COG5: variants seen among roughly 807,000 people sequenced by gnomAD.
COG5 encodes component of oligomeric golgi complex 5, also known as conserved oligomeric Golgi complex subunit 5.
COG5 carries 86 observed loss-of-function variants against 110.4 expected under a neutral mutation model. The observed-to-expected ratio is 0.78, with a 90% CI of 0.65 to 0.93. The LOEUF is 0.93. COG5 is among the 40% of genes least tolerant of loss of function. COG5 has a pLI of 0.00. For synonymous variants in COG5, 360 were observed against 334.6 expected, an observed-to-expected ratio of 1.08 and a Z score of -0.83; for missense variants, 1,077 against 987.0, an observed-to-expected ratio of 1.09 and a Z score of -1.22.
At chr7:107,293,957 A>G (rs567839945) in intron 12 of COG5, among the ~76,000 whole-genome samples, 2 of 152,156 alleles carry the variant, frequency 1.3e-5, no homozygotes, top group Admixed American at 6.5e-5. Context: ...CCATAATCCC[A>G]GCTGCTCGGG....
intron 6 of COG5, among the ~76,000 whole-genome samples, chr7:107,503,885 T>C (rs988046976): frequency 4.6e-5 from 7 of 152,202 alleles, no homozygotes; most frequent in African/African-American, 1.7e-4. Flanking sequence ...AGGAGTCTTC[T>C]GGAGCAGTCT....
In COG5 at chr7:107,236,582, T is replaced by A; in HGVS notation, c.1959A>T (p.Glu653Asp). 1 of 1,614,058 alleles carries A rather than the reference T, an allele frequency of 6.2e-7. No homozygotes were observed. Among genetic ancestry groups the A allele is most frequent in the Middle Eastern group, 1.6e-4 (1 of 6,062 alleles). The change falls in exon 18 of 22, where the codon GAA (glutamate) becomes GAT (aspartate). Residue 653 changes from glutamate (E) to aspartate (D), a missense_variant. Transcript: ENST00000297135. ...RVMSDYFKHF[E>D]CLDFVFDNTE... Reference sequence around the variant, plus strand: ...TGTTGTCAAAGACAAAATCCAAGCATTCAAAGTGTTTAAAATAGTCACTCA... The same window carrying A: ...TGTTGTCAAAGACAAAATCCAAGCAATCAAAGTGTTTAAAATAGTCACTCA...
At chr7:107,437,722 C>G (rs1794453720) in intron 6 of COG5, among the ~76,000 whole-genome samples, 1 of 152,088 alleles carries the variant, frequency 6.6e-6, no homozygotes, top group Non-Finnish European at 1.5e-5. Flanking sequence ...AAACCATAAT[C>G]AAATCAGACA....
At chr7:107,529,847 T>C (rs1385584286) in intron 5 of COG5, among the ~76,000 whole-genome samples, 10 of 152,188 alleles carry the variant, frequency 6.6e-5, no homozygotes, top group African/African-American at 2.4e-4. Flanking sequence ...GAGGCAAGAA[T>C]TGAGGTTGCT....
At chr7:107,553,525 A>G (rs1237270187) in intron 3 of COG5, among the ~76,000 whole-genome samples, 1 of 152,156 alleles carries the variant, frequency 6.6e-6, no homozygotes, top group African/African-American at 2.4e-5. Context: ...TTTGATCAAC[A>G]TCGAGAAAAA....
At chr7:107,526,516 T>C (rs552437699) in intron 6 of COG5, among the ~76,000 whole-genome samples, 2 of 152,332 alleles carry the variant, frequency 1.3e-5, no homozygotes, top group Non-Finnish European at 2.9e-5. Context: ...CTAGGCATAG[T>C]ATCAGCATGG....
chr7:107,461,103 T>C (rs900713202), intron 6 of COG5, among the ~76,000 whole-genome samples: 2 of 152,102 alleles, frequency 1.3e-5, no homozygotes, highest in Non-Finnish European at 2.9e-5. Flanking sequence ...GAGTCCAGCA[T>C]TGTCCTGATT....
intron 6 of COG5, among the ~76,000 whole-genome samples, chr7:107,458,225 C>A (rs1173626971): frequency 6.6e-6 from 1 of 152,216 alleles, no homozygotes; most frequent in African/African-American, 2.4e-5. Context: ...CCCTGCACTA[C>A]AAAAGCTGTC....
chr7:107,508,395 G>T (rs549033869), intron 6 of COG5, among the ~76,000 whole-genome samples: 2 of 152,360 alleles, frequency 1.3e-5, no homozygotes, highest in African/African-American at 4.8e-5. Context: ...CTCCAACTGG[G>T]TGGAGCCCAC....
At chr7:107,210,405 G>T in intron 21 of COG5, 121 bp downstream of exon 21, 1 of 1,484,386 alleles carries the variant, frequency 6.7e-7, no homozygotes. Context: ...GAGGTGGCCC[G>T]CCACTGGAAG....
chr7:107,474,715 A>G lies in COG5; in HGVS notation c.538+52522T>C. 2 of 1,611,526 alleles carry G rather than the reference A, an allele frequency of 1.2e-6. No homozygotes were observed. The highest frequency in any genetic ancestry group is 4.5e-5 in the East Asian group (2 of 44,784). On this transcript the variant is annotated intron_variant, in intron 6 of 21. Transcript: ENST00000297135. This position sits in a 1 kb window ranked among gnomAD's most constrained non-coding sequence, Gnocchi z 5.7. ...TTATCACCTGTTAGTACAGATCCCA[A>G]TATTCTTTTTCACTGTTGTAGTAAT...
chr7:107,406,665 CCATTCCTTTTTGA>C (rs1392656552), intron 7 of COG5, among the ~76,000 whole-genome samples: 5 of 152,024 alleles, frequency 3.3e-5, no homozygotes, highest in Non-Finnish European at 5.9e-5. Context: ...TTAAAAGTAA[CCATTCCTTTTTGA>C]CATGTTAAAT....
chr7:107,352,598 C>CAAATT (rs1243249122), intron 10 of COG5, among the ~76,000 whole-genome samples: 2 of 99,860 alleles, frequency 2.0e-5, no homozygotes, highest in Non-Finnish European at 4.7e-5. Context: ...ATAAGTTGAA[C>CAAATT]ATTTATCTCA....
chr7:107,542,541 T>C (rs936896403), intron 5 of COG5, among the ~76,000 whole-genome samples: 10 of 152,216 alleles, frequency 6.6e-5, no homozygotes, highest in African/African-American at 2.2e-4. Context: ...AAAGGGGTAT[T>C]AGCATGAGCC....
At chr7:107,421,635 C>G (rs1197306765) in intron 6 of COG5, among the ~76,000 whole-genome samples, 1 of 151,756 alleles carries the variant, frequency 6.6e-6, no homozygotes, top group African/African-American at 2.4e-5. Context: ...TATAAAAATA[C>G]AAAAATTAGC....
At chr7:107,523,563 C>T (rs1469884443) in intron 6 of COG5, among the ~76,000 whole-genome samples, 1 of 151,818 alleles carries the variant, frequency 6.6e-6, no homozygotes, top group Non-Finnish European at 1.5e-5. Flanking sequence ...GCCTGTAATC[C>T]CAGCACTTTG....
chr7:107,410,781 T>C lies in COG5; in HGVS notation c.669+1721A>G, dbSNP rs181840130. 3.3e-3 allele frequency among the ~76,000 whole-genome samples: 504 copies of C among 152,056 alleles called. 1 individual carries two copies. The highest frequency in any genetic ancestry group is 5.5e-3 in the Non-Finnish European group (374 of 67,970). Reference sequence around the variant, plus strand: ...TTAGGTTAATAAAAGAATTATGAGTTATAACAGGAACAAGGGAGTGGGAGG... The same window carrying C: ...TTAGGTTAATAAAAGAATTATGAGTCATAACAGGAACAAGGGAGTGGGAGG... On this transcript the variant is annotated intron_variant, in intron 7 of 21. Coordinates refer to ENST00000297135, the MANE Select transcript of COG5 (RefSeq NM_006348.5).
chr7:107,517,517 G>C (rs1288957809), intron 6 of COG5, among the ~76,000 whole-genome samples: 2 of 151,970 alleles, frequency 1.3e-5, no homozygotes, highest in Admixed American at 6.6e-5. Flanking sequence ...TATTCCATGA[G>C]AAGATAAACC....
intron 7 of COG5, among the ~76,000 whole-genome samples, 194 bp downstream of exon 7, chr7:107,412,308 T>C (rs535591154): frequency 2.6e-5 from 4 of 151,974 alleles, no homozygotes; most frequent in Non-Finnish European, 5.9e-5. Flanking sequence ...ATTAGGTCTA[T>C]TTTTAAATTA....
Sources: gnomAD v4.1 joint callset for allele counts (sites outside exome capture counted in the v4.1 genomes callset) on GRCh38, gnomAD v4.1.1 for gene constraint, Gnocchi (gnomAD v3.1) non-coding constraint, MANE v1.5 for transcripts, NCBI Gene and HGNC (gene_info 2026-07-23, HGNC 2026-07-21) for gene names.